Variants in KIRREL3 observed in about 807,000 individuals in gnomAD.
KIRREL3 encodes the protein kin of IRRE-like protein 3.
Under a neutral mutation model 89.7 loss-of-function variants are expected in KIRREL3, and 36 were observed. The ratio of observed to expected loss-of-function variants is 0.40; its 90% CI spans 0.31 to 0.53. The LOEUF (loss-of-function observed/expected upper bound fraction) is 0.53, where lower values mean the gene tolerates loss of function less well. Among genes scored for constraint, KIRREL3 ranks in the 20% least tolerant of loss-of-function variants. The probability of loss-of-function intolerance (pLI) is 0.49; values close to 1 mark genes in which losing one functional copy is unlikely to be tolerated. For synonymous variants in KIRREL3, 445 were observed against 441.4 expected, an observed-to-expected ratio of 1.01 and a Z score of -0.10; for missense variants, 864 against 1,056.6, an observed-to-expected ratio of 0.82 and a Z score of 2.53.
chr11:126,593,289 G>C (rs374909876), intron 1 of KIRREL3, among the ~76,000 whole-genome samples: 1 of 152,210 alleles, frequency 6.6e-6, no homozygotes. Flanking sequence ...CTGGTGACTT[G>C]AAAATTACCT....
At chr11:126,855,344 C>G (rs1430243005) in intron 1 of KIRREL3, among the ~76,000 whole-genome samples, 1 of 152,214 alleles carries the variant, frequency 6.6e-6, no homozygotes, top group Non-Finnish European at 1.5e-5. Flanking sequence ...TGCGCCTTCT[C>G]TCTCTTCCTC....
rs1948829925 is a variant in KIRREL3, at chr11:126,953,527, G to A, written c.55+46928C>T. Among the ~76,000 whole-genome samples, 4 of 151,942 alleles carry A rather than the reference G, an allele frequency of 2.6e-5. No individual in the cohort carries two copies. The highest frequency in any genetic ancestry group is 1.9e-4 in the East Asian group (1 of 5,180). ...TTTTGTTCATCTTTTCATAATAAACGTGCTGATAGTTCCAAAGAGAAGAGC... is the reference window on the plus strand; with the variant it reads ...TTTTGTTCATCTTTTCATAATAAACATGCTGATAGTTCCAAAGAGAAGAGC... On this transcript the variant is annotated intron_variant, in intron 1 of 16. Transcript: ENST00000525144. The surrounding 1 kb of genome is among the most constrained non-coding windows in gnomAD (Gnocchi z 5.2).
rs1008568278 is a variant in KIRREL3, at chr11:126,459,864, G to A, written c.742+3293C>T. 6.6e-6 allele frequency among the ~76,000 whole-genome samples: 1 copy of A among 152,180 alleles called. No individual in the cohort carries two copies. Among genetic ancestry groups the A allele is most frequent in the African/African-American group, 2.4e-5 (1 of 41,450 alleles). On this transcript the variant is annotated intron_variant, in intron 6 of 16. Transcript: ENST00000525144. This position sits in a 1 kb window ranked among gnomAD's most constrained non-coding sequence, Gnocchi z 4.8. ...TGGACACAGAGTCCAGATGTGGTGA[G>A]GCTTTGGGGGTGTTAAGCTTTCTCT...
intron 1 of KIRREL3, among the ~76,000 whole-genome samples, chr11:126,923,967 C>T (rs1947585716): frequency 1.3e-5 from 2 of 152,310 alleles, no homozygotes; most frequent in African/African-American, 2.4e-5. Context: ...TGATGTGGCT[C>T]ACCCGCTTGT....
intron 1 of KIRREL3, among the ~76,000 whole-genome samples, chr11:126,798,730 C>T (rs1047850804): frequency 1.3e-5 from 2 of 152,116 alleles, no homozygotes; most frequent in Admixed American, 1.3e-4. Flanking sequence ...TTGGGGTTAG[C>T]ATAGGGGATA....
At position 126,523,791 on chromosome 11, in the gene KIRREL3, G is replaced by A. The variant is rs1392497827; in HGVS notation, c.284-2327C>T. Among the ~76,000 whole-genome samples the A allele has an allele frequency of 6.6e-6, 1 of 152,198 alleles. No individual in the cohort carries two copies. Among genetic ancestry groups the A allele is most frequent in the Non-Finnish European group, 1.5e-5 (1 of 68,040 alleles). On this transcript the variant is annotated intron_variant, in intron 3 of 16. Coordinates refer to ENST00000525144, the MANE Select transcript of KIRREL3 (RefSeq NM_032531.4). The surrounding 1 kb of genome is among the most constrained non-coding windows in gnomAD (Gnocchi z 4.9). ...CAGCCTCTGGATCCCACTATCCTGTGATTAGTCCCTGGTCTCCTGCAGGCA... is the reference window on the plus strand; with the variant it reads ...CAGCCTCTGGATCCCACTATCCTGTAATTAGTCCCTGGTCTCCTGCAGGCA...
intron 1 of KIRREL3, among the ~76,000 whole-genome samples, chr11:126,915,361 A>T (rs933725404): frequency 6.7e-6 from 1 of 149,796 alleles, no homozygotes; most frequent in Non-Finnish European, 1.5e-5. Flanking sequence ...TCAGCTCTGT[A>T]TTTTTTTTTT....
chr11:126,505,196 G>A (rs562516108), intron 4 of KIRREL3, among the ~76,000 whole-genome samples: 2 of 152,332 alleles, frequency 1.3e-5, no homozygotes, highest in African/African-American at 4.8e-5. Flanking sequence ...AAAAGACAAA[G>A]TAAAACTATC....
In KIRREL3 at chr11:126,427,889, G is replaced by C. The variant is rs75224093; in HGVS notation, c.1806+1290C>G. Among the ~76,000 whole-genome samples, 3,734 of 152,322 alleles carry C rather than the reference G, an allele frequency of 0.025. 157 individuals carry two copies. The highest frequency in any genetic ancestry group is 0.084 in the African/African-American group (3,501 of 41,564). ...ATGATGAGGCCTGAAGTAAAGAAGT[G>C]ATGGTGGAGGACAGGTGGGGCACAC... On this transcript the variant is annotated intron_variant, in intron 15 of 16. Transcript: ENST00000525144. This position sits in a 1 kb window ranked among gnomAD's most constrained non-coding sequence, Gnocchi z 5.3.
chr11:126,488,889 C>T lies in KIRREL3; in HGVS notation c.434-15423G>A, dbSNP rs138730746. Among the ~76,000 whole-genome samples, 216 of 152,344 alleles carry T rather than the reference C, an allele frequency of 1.4e-3. 6 individuals carry two copies. Among genetic ancestry groups the T allele is most frequent in the African/African-American group, 4.7e-3 (195 of 41,578 alleles). ...CACCTTTGCAGCCTTACCCCGTGCC[C>T]GTCTCCAGCCAGGAAGACGGGATCC... is the stretch of plus-strand genomic sequence containing the variant. On this transcript the variant is annotated intron_variant, in intron 4 of 16. Transcript: ENST00000525144.
chr11:126,588,875 G>C (rs1203709862), intron 1 of KIRREL3, among the ~76,000 whole-genome samples: 1 of 152,186 alleles, frequency 6.6e-6, no homozygotes. Flanking sequence ...GAGCTGAGGT[G>C]GGAAGAAGGT....
In KIRREL3 at chr11:126,579,150, T is replaced by C. The variant is rs1210083154; in HGVS notation, c.56-16238A>G. 3.9e-5 allele frequency among the ~76,000 whole-genome samples: 6 copies of C among 151,910 alleles called. No homozygotes were observed. The highest frequency in any genetic ancestry group is 1.5e-4 in the African/African-American group (6 of 41,334). On this transcript the variant is annotated intron_variant, in intron 1 of 16. Transcript: ENST00000525144. This position sits in a 1 kb window ranked among gnomAD's most constrained non-coding sequence, Gnocchi z 5.3. The stretch of plus-strand genomic sequence containing the variant: ...AGAGGTCCTCCCTTCCTGCCAGCCA[T>C]TGATGATCCTGGAGGATGAACGGGT...
At chr11:126,874,953 G>A (rs1218574913) in intron 1 of KIRREL3, among the ~76,000 whole-genome samples, 2 of 152,162 alleles carry the variant, frequency 1.3e-5, no homozygotes, top group African/African-American at 4.8e-5. Flanking sequence ...GCTCCCCTGT[G>A]TCTCACTGCC....
Position 126,429,143 on chromosome 11 carries a change from G to C in KIRREL3, c.1806+36C>G. 7.3e-7 allele frequency: 1 copy of C among 1,362,508 alleles called. No individual in the cohort carries two copies. Among genetic ancestry groups the C allele is most frequent in the Middle Eastern group, 1.8e-4 (1 of 5,490 alleles). The allele number at this position is 1,362,508 out of a possible 1,614,324, so 84.4% of individuals were successfully genotyped here. On this transcript the variant is annotated intron_variant, in intron 15 of 16. Coordinates refer to ENST00000525144, the MANE Select transcript of KIRREL3 (RefSeq NM_032531.4). The surrounding 1 kb of genome is among the most constrained non-coding windows in gnomAD (Gnocchi z 5.2). The stretch of plus-strand genomic sequence containing the variant: ...AGTCCCAGGACCTTCTGGGAATGGA[G>C]TCACGGGATGGGATGGGGCGTAATT...
intron 1 of KIRREL3, among the ~76,000 whole-genome samples, chr11:126,850,188 G>A (rs1474764259): frequency 2.0e-5 from 3 of 152,100 alleles, no homozygotes; most frequent in African/African-American, 4.8e-5. Flanking sequence ...AGAGCACTTT[G>A]GAATTTCCAA....
At chr11:126,510,468 CCTT>C (rs1958185500) in intron 4 of KIRREL3, among the ~76,000 whole-genome samples, 1 of 116,758 alleles carries the variant, frequency 8.6e-6, no homozygotes, top group Non-Finnish European at 2.0e-5. Flanking sequence ...TTCCTTCCTT[CCTT>C]TTTTTTGAGA....
rs1951181340 is a variant in KIRREL3 at position 126,805,656 on chromosome 11, G to C, written c.55+194799C>G. On this transcript the variant is annotated intron_variant, in intron 1 of 16. Coordinates refer to ENST00000525144, the MANE Select transcript of KIRREL3 (RefSeq NM_032531.4). This position sits in a 1 kb window ranked among gnomAD's most constrained non-coding sequence, Gnocchi z 4.3. ...TTCAGGGTGATTGCTAAACTCCACA[G>C]TACAAAGTATGTAATAGATATTACG... Among the ~76,000 whole-genome samples the C allele has an allele frequency of 6.6e-6, 1 of 152,098 alleles. No homozygotes were observed. The highest frequency in any genetic ancestry group is 2.4e-5 in the African/African-American group (1 of 41,402).
At chr11:126,865,141 T>C (rs1315123273) in intron 1 of KIRREL3, among the ~76,000 whole-genome samples, 1 of 152,244 alleles carries the variant, frequency 6.6e-6, no homozygotes, top group African/African-American at 2.4e-5. Context: ...CTTCTGCCCC[T>C]GGGCCACATT....
chr11:126,524,195 C>A (rs1958679261), intron 3 of KIRREL3, among the ~76,000 whole-genome samples: 1 of 152,164 alleles, frequency 6.6e-6, no homozygotes, highest in Non-Finnish European at 1.5e-5. Context: ...ATGTGCCAGT[C>A]CCCATTTTAT....
Sources: allele counts gnomAD v4.1 joint callset (sites outside exome capture counted in the v4.1 genomes callset), GRCh38; gene constraint gnomAD v4.1.1; non-coding constraint Gnocchi (gnomAD v3.1); transcripts MANE v1.5; gene names NCBI Gene and HGNC (gene_info 2026-07-23, HGNC 2026-07-21).